The following ANGPT4 variants were observed in gnomAD, a reference collection of about 807,000 sequenced individuals.
The protein encoded by ANGPT4 is angiopoietin-4.
Under a neutral mutation model 53.0 loss-of-function variants are expected in ANGPT4, and 50 were observed. The ratio of observed to expected loss-of-function variants is 0.94; its 90% confidence interval spans 0.75 to 1.20. The LOEUF is 1.20. ANGPT4 is among the 50% of genes most tolerant of loss of function. The probability of loss-of-function intolerance (pLI) is 0.00; values close to 1 mark genes in which losing one functional copy is unlikely to be tolerated. For missense variants in ANGPT4, 648 were observed against 637.1 expected (o/e 1.02, Z -0.18); for synonymous variants, 251 against 259.7 (o/e 0.97, Z 0.32).
At chr20:889,181 C>G (rs954485187) in intron 2 of ANGPT4, among the ~76,000 whole-genome samples, 1 of 151,792 alleles carries the variant, frequency 6.6e-6, no homozygotes, top group African/African-American at 2.4e-5. Context: ...CATCCCCCCC[C>G]ACCACTCCCA....
At chr20:899,561 C>A (rs1161383221) in intron 1 of ANGPT4, among the ~76,000 whole-genome samples, 2 of 152,018 alleles carry the variant, frequency 1.3e-5, no homozygotes, top group Non-Finnish European at 2.9e-5. Context: ...CCTGGGACAA[C>A]ATTCTTTTAT....
At chr20:901,427 C>T (rs1482755700) in intron 1 of ANGPT4, among the ~76,000 whole-genome samples, 1 of 152,128 alleles carries the variant, frequency 6.6e-6, no homozygotes, top group Non-Finnish European at 1.5e-5. Flanking sequence ...AAGAGAACAA[C>T]CCCCTTTAAC....
Position 908,731 on chromosome 20 carries a change from C to G in ANGPT4, c.309+7175G>C. Among the ~76,000 whole-genome samples, 1 of 151,002 alleles carries G rather than the reference C, an allele frequency of 6.6e-6. No homozygotes were observed. The highest frequency in any genetic ancestry group is 2.4e-5 in the African/African-American group (1 of 40,912). The stretch of plus-strand genomic sequence containing the variant: ...TGAATGCAGGAATGAATATTCTTAC[C>G]TGACAAACTAAGTTCAGAGTTGTGT... On this transcript the variant is annotated intron_variant, in intron 1 of 8. Coordinates refer to ENST00000381922, the MANE Select transcript of ANGPT4 (RefSeq NM_015985.4). The surrounding 1 kb of genome is among the most constrained non-coding windows in gnomAD (Gnocchi z 4.9).
At chr20:896,811 C>T (rs1337743547) in intron 1 of ANGPT4, among the ~76,000 whole-genome samples, 1 of 152,098 alleles carries the variant, frequency 6.6e-6, no homozygotes, top group Admixed American at 6.5e-5. Context: ...CCTGAGATAA[C>T]TCTGGTTGTA....
intron 4 of ANGPT4, among the ~76,000 whole-genome samples, chr20:883,151 T>C (rs1404861455): frequency 6.6e-6 from 1 of 152,228 alleles, no homozygotes; most frequent in Non-Finnish European, 1.5e-5. Flanking sequence ...ATAAATGACT[T>C]GTATGAAGTT....
rs1226267082 is a variant in ANGPT4 at position 914,558 on chromosome 20, CA to C, written c.309+1347del. Among the ~76,000 whole-genome samples the C allele has an allele frequency of 1.3e-5, 2 of 151,990 alleles. No individual in the cohort carries two copies. Among genetic ancestry groups the C allele is most frequent in the South Asian group, 2.1e-4 (1 of 4,822 alleles). ...TGGGGGCCGAGTGTTAGCAGGGAGCCAGGGGGGCAGCCAGGACAGCTATCCT... is the reference window on the plus strand; with the variant it reads ...TGGGGGCCGAGTGTTAGCAGGGAGCCGGGGGGCAGCCAGGACAGCTATCCT... On this transcript the variant is annotated intron_variant, in intron 1 of 8. Transcript: ENST00000381922. The surrounding 1 kb of genome is among the most constrained non-coding windows in gnomAD (Gnocchi z 5.0).
intron 4 of ANGPT4, among the ~76,000 whole-genome samples, chr20:883,945 G>A (rs527730822): frequency 2.0e-5 from 3 of 152,322 alleles, no homozygotes; most frequent in African/African-American, 7.2e-5. Flanking sequence ...CTACTCAGCT[G>A]GGTCTGCCAG....
chr20:913,087 A>G (rs1189337372), intron 1 of ANGPT4, among the ~76,000 whole-genome samples: 1 of 152,160 alleles, frequency 6.6e-6, no homozygotes, highest in Non-Finnish European at 1.5e-5. Context: ...TGTCTAGATG[A>G]ACAGAATCTT....
At chr20:899,555 G>A (rs1982204002) in intron 1 of ANGPT4, among the ~76,000 whole-genome samples, 1 of 151,952 alleles carries the variant, frequency 6.6e-6, no homozygotes, top group Non-Finnish European at 1.5e-5. Flanking sequence ...CCCCGGCCTG[G>A]GACAACATTC....
At chr20:893,720 C>T (rs1233467206) in intron 1 of ANGPT4, among the ~76,000 whole-genome samples, 1 of 152,154 alleles carries the variant, frequency 6.6e-6, no homozygotes, top group Non-Finnish European at 1.5e-5. Flanking sequence ...CCTGTAACTC[C>T]CACCCCATGC....
intron 1 of ANGPT4, among the ~76,000 whole-genome samples, chr20:910,568 G>A (rs1022275180): frequency 3.3e-5 from 5 of 152,134 alleles, no homozygotes; most frequent in African/African-American, 7.2e-5. Flanking sequence ...AACAAACTGC[G>A]GCCAGAGTCT....
rs768360241 is a variant in ANGPT4, at chr20:878,299, C to T, written c.1082G>A (p.Trp361Ter). 2.5e-6 allele frequency: 4 copies of T among 1,608,746 alleles called. No individual in the cohort carries two copies. Among genetic ancestry groups the T allele is most frequent in the South Asian group, 1.1e-5 (1 of 90,932 alleles). The change falls in exon 7 of 9, where the codon TGG becomes TAG. Residue 361 changes from tryptophan (W) to a stop codon, truncating the protein, a stop_gained. Transcript: ENST00000381922. LOFTEE classifies it high-confidence loss of function. ...QGFGDPAGEH[W>*]LGNEVVHQLT... ...CTGGTGCACCACTTCATTGCCCAGC[C>T]AGTGCTCCCCAGCTGGGTCTCCGAA...
At chr20:892,057 C>T (rs1981869015) in intron 1 of ANGPT4, among the ~76,000 whole-genome samples, 1 of 151,864 alleles carries the variant, frequency 6.6e-6, no homozygotes, top group African/African-American at 2.4e-5. Context: ...AGAGAGACCC[C>T]CCTCCTTCTT....
intron 1 of ANGPT4, among the ~76,000 whole-genome samples, chr20:907,416 A>G (rs1302077180): frequency 6.6e-6 from 1 of 152,172 alleles, no homozygotes; most frequent in Non-Finnish European, 1.5e-5. Context: ...CTGCCTCCTC[A>G]GGCTCAGGTA....
chr20:874,328 T>C lies in ANGPT4; in HGVS notation c.1307A>G (p.Asp436Gly), dbSNP rs1271976010. The change falls in exon 8 of 9, where the codon GAC becomes GGC. Residue 436 changes from aspartate to glycine, a missense_variant. By Grantham distance (94) the Asp-to-Gly change is moderately conservative. Transcript: ENST00000381922. The part of the protein sequence containing the change: ...QNTSFSTLDS[D>G]NDHCLCKCAQ... ...ACACTTGCAGAGACAGTGGTCGTTG[T>C]CTGAGTCAAGGGTGCTAAAGCTGGT... is the stretch of plus-strand genomic sequence containing the variant. 5 of 1,614,208 alleles carry C rather than the reference T, an allele frequency of 3.1e-6. No individual in the cohort carries two copies. The highest frequency in any genetic ancestry group is 4.2e-6 in the Non-Finnish European group (5 of 1,180,030).
chr20:905,978 T>C (rs77616315), intron 1 of ANGPT4, among the ~76,000 whole-genome samples: 2,285 of 152,288 alleles, frequency 0.015, 44 homozygotes, highest in East Asian at 0.045. Context: ...GATTTAAATA[T>C]AGGCCTTTGG....
chr20:905,786 C>T (rs1425997333), intron 1 of ANGPT4, among the ~76,000 whole-genome samples: 1 of 152,204 alleles, frequency 6.6e-6, no homozygotes, highest in Non-Finnish European at 1.5e-5. Flanking sequence ...ACAGGCCAGG[C>T]TCTGCACTGC....
At chr20:898,510 C>A (rs1982143671) in intron 1 of ANGPT4, among the ~76,000 whole-genome samples, 1 of 152,166 alleles carries the variant, frequency 6.6e-6, no homozygotes, top group Admixed American at 6.5e-5. Flanking sequence ...CAGCCCTAGA[C>A]CCAGAGGGGC....
intron 4 of ANGPT4, among the ~76,000 whole-genome samples, 174 bp downstream of exon 4, chr20:884,904 A>G (rs1296425655): frequency 6.6e-6 from 1 of 152,080 alleles, no homozygotes; most frequent in Non-Finnish European, 1.5e-5. Context: ...CTGGATTGGG[A>G]TTGTTGTTGA....
Sources: allele counts gnomAD v4.1 joint callset (sites outside exome capture counted in the v4.1 genomes callset), GRCh38; gene constraint gnomAD v4.1.1; non-coding constraint Gnocchi (gnomAD v3.1); transcripts MANE v1.5; gene names NCBI Gene and HGNC (gene_info 2026-07-23, HGNC 2026-07-21).